TMEM19: variants seen among roughly 807,000 people sequenced by gnomAD.
The protein encoded by TMEM19 is transmembrane protein 19.
A neutral mutation model predicts 33.6 loss-of-function variants in TMEM19; 21 were observed. The observed-to-expected ratio is 0.62, with a 90% CI of 0.44 to 0.90. TMEM19 has a LOEUF of 0.90. Among genes scored for constraint, TMEM19 ranks in the 40% least tolerant of loss-of-function variants. TMEM19 has a pLI of 0.00. For synonymous variants in TMEM19, 149 were observed against 147.5 expected, an observed-to-expected ratio of 1.01 and a Z score of -0.07; for missense variants, 402 against 401.8, an observed-to-expected ratio of 1.00 and a Z score of 0.00.
intron 1 of TMEM19, among the ~76,000 whole-genome samples, chr12:71,687,974 G>A (rs531664161): frequency 6.6e-6 from 1 of 152,180 alleles, no homozygotes; most frequent in Non-Finnish European, 1.5e-5. Flanking sequence ...AGTGCAGTTC[G>A]TTCATAATGA....
In TMEM19 at chr12:71,704,236, CTTGAG is replaced by C. The variant is rs2137604083; in HGVS notation, c.*3244_*3248del. The C allele has an allele frequency of 5.2e-6, 1 of 193,400 alleles. No homozygotes were observed. Among genetic ancestry groups the C allele is most frequent in the African/African-American group, 2.3e-5 (1 of 43,032 alleles). 12.0% of individuals were successfully genotyped at this position (193,400 alleles called of 1,614,324 possible). ...ATTCTATTATTAGCTTTTCTCATTA[CTTGAG>C]TTATCTGTTTCTCACATATATCTTT... On this transcript the variant is annotated 3_prime_UTR_variant, in exon 6 of 6. Coordinates refer to ENST00000266673, the MANE Select transcript of TMEM19 (RefSeq NM_018279.4).
chr12:71,697,166 A>C, intron 3 of TMEM19, 114 bp from the exon 4 acceptor site: 1 of 1,424,464 alleles, frequency 7.0e-7, no homozygotes. Context: ...ACTGTTTTTA[A>C]ATTTTTTTGT....
In TMEM19 at chr12:71,689,598, A is replaced by T. The variant is rs151006044; in HGVS notation, c.138A>T (p.Leu46Phe). Residue 46 changes from leucine (L) to phenylalanine (F), a missense_variant, in exon 2 of 6, where the codon TTA (leucine) becomes TTT (phenylalanine). By Grantham distance (22) the Leu-to-Phe change is conservative. Transcript: ENST00000266673. Reference sequence around the variant, plus strand: ...ACCTTTATAATTTTTCAGGTAACTTACGACCTATTTCTCCGTGGCGTTGGC... The same window carrying T: ...ACCTTTATAATTTTTCAGGTAACTTTCGACCTATTTCTCCGTGGCGTTGGC... ...SMTASTYYGN[L>F]RPISPWRWLF... 1.5e-4 allele frequency: 240 copies of T among 1,613,996 alleles called. No individual in the cohort carries two copies. The African/African-American group carries it at 2.8e-3, about 19-fold the overall frequency.
At chr12:71,696,168 A>T (rs1016200108) in intron 2 of TMEM19, among the ~76,000 whole-genome samples, 1 of 152,146 alleles carries the variant, frequency 6.6e-6, no homozygotes, top group Non-Finnish European at 1.5e-5. Context: ...TAATTTTTTT[A>T]AATTAAGATA....
chr12:71,697,608 C>G (rs1339029572), intron 4 of TMEM19, 74 bp downstream of exon 4: 1 of 1,489,014 alleles, frequency 6.7e-7, no homozygotes, highest in Non-Finnish European at 8.9e-7. Flanking sequence ...TTTAAAAAAA[C>G]CAAAAAACCT....
At chr12:71,697,211 C>T in intron 3 of TMEM19, 69 bp from the exon 4 acceptor site, 1 of 1,537,966 alleles carries the variant, frequency 6.5e-7, no homozygotes, top group Non-Finnish European at 8.7e-7. Flanking sequence ...AACATAAACA[C>T]CTATAACTGC....
At position 71,703,901 on chromosome 12, in the gene TMEM19, A is replaced by G. The variant is rs1360043208; in HGVS notation, c.*2906A>G. ...CTGTCCTTTTTTTTTTTTTTTGTTA[A>G]GTCTTACATGTATTTTACTGTAACA... On this transcript the variant is annotated 3_prime_UTR_variant, in exon 6 of 6. Transcript: ENST00000266673. 5 of 186,628 alleles carry G rather than the reference A, an allele frequency of 2.7e-5. No homozygotes were observed. Among genetic ancestry groups the G allele is most frequent in the Non-Finnish European group, 5.8e-5 (5 of 86,728 alleles). 11.6% of individuals were successfully genotyped at this position (186,628 alleles called of 1,614,324 possible).
rs1230568180 is a variant in TMEM19 at position 71,703,336 on chromosome 12, C to T, written c.*2341C>T. ...AGGGAGATAACTATTAGCAACCACA[C>T]AATATGTTATCTTTATGGATGAATA... is the stretch of plus-strand genomic sequence containing the variant. On this transcript the variant is annotated 3_prime_UTR_variant, in exon 6 of 6. Transcript: ENST00000266673. The T allele has an allele frequency of 2.0e-5, 3 of 150,584 alleles. No homozygotes were observed. The highest frequency in any genetic ancestry group is 7.3e-5 in the African/African-American group (3 of 41,138). The allele number at this position is 150,584 out of a possible 1,614,324, so 9.3% of individuals were successfully genotyped here.
At chr12:71,690,575 C>T (rs1205472470) in intron 2 of TMEM19, 2 of 151,974 alleles carry the variant, frequency 1.3e-5, no homozygotes, top group Non-Finnish European at 2.9e-5. Flanking sequence ...TTCTTTAGGG[C>T]AGATAGATAA....
chr12:71,705,013 C>G lies in TMEM19; in HGVS notation c.*4018C>G, dbSNP rs1451916364. On this transcript the variant is annotated 3_prime_UTR_variant, in exon 6 of 6. Coordinates refer to ENST00000266673, the MANE Select transcript of TMEM19 (RefSeq NM_018279.4). ...ATGACTGGAAGGTGATAATCAGCAC[C>G]ATATTCCTGGAGGAAAATACAAAAT... is the stretch of plus-strand genomic sequence containing the variant. 1 of 152,140 alleles carries G rather than the reference C, an allele frequency of 6.6e-6. No individual in the cohort carries two copies. Among genetic ancestry groups the G allele is most frequent in the Non-Finnish European group, 1.5e-5 (1 of 68,018 alleles). The allele number at this position is 152,140 out of a possible 1,614,324, so 9.4% of individuals were successfully genotyped here. A position where few individuals can be genotyped will look rare whatever the true frequency, so the allele number is the denominator to read the frequency against.
chr12:71,698,853 G>A, intron 4 of TMEM19, 47 bp from the exon 5 acceptor site: 3 of 1,579,700 alleles, frequency 1.9e-6, no homozygotes, highest in Non-Finnish European at 8.7e-7. Context: ...GCCTTTATGT[G>A]TTTGCTGATT....
intron 2 of TMEM19, among the ~76,000 whole-genome samples, chr12:71,695,944 A>G (rs1043719425): frequency 3.3e-5 from 5 of 152,216 alleles, no homozygotes; most frequent in Non-Finnish European, 1.5e-5. Flanking sequence ...GTAATTGAGT[A>G]TCTCTGGAAG....
At position 71,686,918 on chromosome 12, in the gene TMEM19, T is replaced by G. The variant is rs192838211; in HGVS notation, c.130+108T>G. The G allele has an allele frequency of 2.2e-5, 25 of 1,133,790 alleles. No individual in the cohort carries two copies. The East Asian group carries it at 5.8e-4, about 26-fold the overall frequency. 70.2% of individuals were successfully genotyped at this position (1,133,790 alleles called of 1,614,324 possible). ...TATCCTCTGAATGGTTATGAATGGT[T>G]GTGTTTACTTAACTTCCATAGCCTG... On this transcript the variant is annotated intron_variant, in intron 1 of 5. Coordinates refer to ENST00000266673, the MANE Select transcript of TMEM19 (RefSeq NM_018279.4).
chr12:71,696,706 G>A (rs917470687), intron 3 of TMEM19, 133 bp downstream of exon 3: 72 of 724,204 alleles, frequency 9.9e-5, no homozygotes, highest in Non-Finnish European at 4.1e-5. Flanking sequence ...GAGTGCACTG[G>A]CGCAATCTCG....
chr12:71,686,937 T>C (rs1881701160), intron 1 of TMEM19, 127 bp downstream of exon 1: 1 of 881,988 alleles, frequency 1.1e-6, no homozygotes, highest in Non-Finnish European at 1.6e-6. Context: ...TTAACTTCCA[T>C]AGCCTGATTT....
Position 71,689,690 on chromosome 12 carries a change from G to A in TMEM19, c.230G>A (p.Ser77Asn). 3 of 1,612,508 alleles carry A rather than the reference G, an allele frequency of 1.9e-6. No homozygotes were observed. Among genetic ancestry groups the A allele is most frequent in the East Asian group, 2.2e-5 (1 of 44,862 alleles). Residue 77 changes from serine to asparagine, a missense_variant, in exon 2 of 6, where the codon AGT becomes AAT. Coordinates refer to ENST00000266673, the MANE Select transcript of TMEM19 (RefSeq NM_018279.4). ...CTTAAAAAGAAAAGTCTAGATCACA[G>A]TGGGGCTCTAGGAGGTATGTTTTTA... ...NGLKKKSLDH[S>N]GALGGLVVGF... is the part of the protein sequence containing the mutation.
In TMEM19 at chr12:71,700,947, T is replaced by G. The variant is rs1231088579; in HGVS notation, c.963T>G (p.Ile321Met). The G allele has an allele frequency of 1.9e-6, 3 of 1,613,300 alleles. No individual in the cohort carries two copies. Among genetic ancestry groups the G allele is most frequent in the Admixed American group, 1.7e-5 (1 of 59,854 alleles). Residue 321 changes from isoleucine to methionine, a missense_variant, in exon 6 of 6, where the codon ATT (isoleucine) becomes ATG (methionine). Physicochemically the swap from Ile to Met is conservative, Grantham distance 10 (BLOSUM62 1). Transcript: ENST00000266673. The part of the protein sequence containing the change: ...NAVNLFSSVL[I>M]ALLLPTAAWG... ...TGAATCTGTTTTCTTCTGTTCTTAT[T>G]GCCCTCTTGCTCCCAACTGCTGCTT... is the stretch of plus-strand genomic sequence containing the variant.
chr12:71,697,149 C>A, intron 3 of TMEM19, 131 bp from the exon 4 acceptor site: 1 of 1,274,038 alleles, frequency 7.8e-7, no homozygotes, highest in Non-Finnish European at 1.1e-6. Context: ...TGTACCATAA[C>A]ACTTTTACTG....
At chr12:71,696,889 C>T (rs1252603412) in intron 3 of TMEM19, among the ~76,000 whole-genome samples, 2 of 152,090 alleles carry the variant, frequency 1.3e-5, no homozygotes, top group East Asian at 1.9e-4. Flanking sequence ...CCTCGTGATC[C>T]GCCTGCCTCG....
Sources: allele counts gnomAD v4.1 joint callset (sites outside exome capture counted in the v4.1 genomes callset), GRCh38; gene constraint gnomAD v4.1.1; transcripts MANE v1.5; gene names NCBI Gene and HGNC (gene_info 2026-07-23, HGNC 2026-07-21).